TIGD7: variants seen among roughly 807,000 people sequenced by gnomAD.
TIGD7 encodes tigger transposable element-derived protein 7.
TIGD7 carries 26 observed loss-of-function variants against 24.8 expected under a neutral mutation model. The observed-to-expected ratio is 1.05, with a 90% CI of 0.77 to 1.45. TIGD7 has a LOEUF of 1.45. Ranked by LOEUF, TIGD7 falls within the 40% of genes most tolerant of loss-of-function variation. TIGD7 has a pLI of 0.00. For missense variants in TIGD7, 679 were observed against 641.6 expected, an observed-to-expected ratio of 1.06 and a Z score of -0.63; for synonymous variants, 221 against 224.1, an observed-to-expected ratio of 0.99 and a Z score of 0.12.
chr16:3,302,843 T>C (rs1959979648), intron 1 of TIGD7, among the ~76,000 whole-genome samples: 1 of 148,914 alleles, frequency 6.7e-6, no homozygotes, highest in Non-Finnish European at 1.5e-5. Flanking sequence ...CTTTTTTTTT[T>C]TTTTTTTTTT....
In TIGD7 at chr16:3,300,625, A is replaced by T; in HGVS notation, c.-11T>A. The T allele has an allele frequency of 6.5e-7, 1 of 1,537,632 alleles. No individual in the cohort carries two copies. ...CCCTCTCTTATTCATACTGAATTTA[A>T]CTCTGAACCACCAACAGGAGAAAAC... is the stretch of plus-strand genomic sequence containing the variant. On this transcript the variant is annotated 5_prime_UTR_variant, in exon 2 of 2. Transcript: ENST00000396862.
rs1012761119 is a variant in TIGD7, at chr16:3,302,369, GC to G, written c.-1395-361del. Among the ~76,000 whole-genome samples the G allele has an allele frequency of 4.0e-5, 6 of 151,870 alleles. No individual in the cohort carries two copies. In the South Asian group the frequency reaches 1.2e-3, roughly 32 times the overall value. On this transcript the variant is annotated intron_variant, in intron 1 of 1. Coordinates refer to ENST00000396862, the MANE Select transcript of TIGD7 (RefSeq NM_033208.4). ...TCTCGAACTTCTGAACTCATGATCC[GC>G]CCGCCTCAGCCTCCCAAAGTGCTGG...
In TIGD7 at chr16:3,300,656, GAAA is replaced by G. The variant is rs1959914106; in HGVS notation, c.-45_-43del. On this transcript the variant is annotated 5_prime_UTR_variant, in exon 2 of 2. Coordinates refer to ENST00000396862, the MANE Select transcript of TIGD7 (RefSeq NM_033208.4). ...AACCACCAACAGGAGAAAACAAAGG[GAAA>G]AGCCTTAATGAATTGGCAAAAAAAA... 4.6e-6 allele frequency: 7 copies of G among 1,516,732 alleles called. No homozygotes were observed. The highest frequency in any genetic ancestry group is 6.2e-6 in the Non-Finnish European group (7 of 1,136,810). 94.0% of individuals were successfully genotyped at this position (1,516,732 alleles called of 1,614,324 possible).
In TIGD7 at chr16:3,300,446, G is replaced by C. The variant is rs1249673595; in HGVS notation, c.169C>G (p.Leu57Val). Residue 57 changes from leucine (L) to valine (V), a missense_variant, in exon 2 of 2, where the codon CTG (leucine) becomes GTG (valine). Transcript: ENST00000396862. ...KNKKLILDFV[L>V]KQDMPLVGAE... ...CCTACTAATGGCATGTCCTGCTTCA[G>C]TACAAAGTCCAGAATTAACTTCTTA... The C allele has an allele frequency of 2.5e-6, 4 of 1,614,110 alleles. No individual in the cohort carries two copies. Among genetic ancestry groups the C allele is most frequent in the Non-Finnish European group, 3.4e-6 (4 of 1,180,042 alleles).
intron 1 of TIGD7, among the ~76,000 whole-genome samples, chr16:3,303,497 C>G (rs1289833463): frequency 6.6e-6 from 1 of 152,216 alleles, no homozygotes; most frequent in Non-Finnish European, 1.5e-5. Context: ...CTACTGTCCA[C>G]TGGTTCTGAT....
intron 1 of TIGD7, 70 bp from the exon 2 acceptor site, chr16:3,302,079 T>C (rs914610711): frequency 1.9e-5 from 3 of 154,546 alleles, no homozygotes; most frequent in African/African-American, 7.2e-5. Flanking sequence ...CTTCCTCTTC[T>C]TTAGGGCAGA....
Position 3,300,163 on chromosome 16 carries a change from T to C in TIGD7, c.452A>G (p.Glu151Gly). Residue 151 changes from glutamate to glycine, a missense_variant, in exon 2 of 2, where the codon GAA (glutamate) becomes GGA (glycine). By Grantham distance (98) the Glu-to-Gly change is moderately conservative. Transcript: ENST00000396862. The part of the protein sequence containing the change: ...CGEQVLSSVS[E>G]NVEPFRQKLS... ...TTTTTGTCGAAATGGCTCAACATTT[T>C]CAGAAACTGAACTTAGGACTTGTTC... 1 of 1,614,260 alleles carries C rather than the reference T, an allele frequency of 6.2e-7. No individual in the cohort carries two copies. Among genetic ancestry groups the C allele is most frequent in the Non-Finnish European group, 8.5e-7 (1 of 1,180,052 alleles).
intron 1 of TIGD7, among the ~76,000 whole-genome samples, chr16:3,302,589 G>T (rs549891502): frequency 3.9e-5 from 6 of 152,292 alleles, no homozygotes; most frequent in Admixed American, 2.0e-4. Context: ...GGCAGGCTAC[G>T]ATCAAGCAAC....
chr16:3,299,989 C>T lies in TIGD7; in HGVS notation c.626G>A (p.Arg209Lys). The T allele has an allele frequency of 6.2e-7, 1 of 1,614,014 alleles. No individual in the cohort carries two copies. Among genetic ancestry groups the T allele is most frequent in the East Asian group, 2.2e-5 (1 of 44,882 alleles). ...ATTTGCACATAAAAAGGCAGACAACCTTTCTTTGTTTATTTTCTTCCCTGG... is the reference window on the plus strand; with the variant it reads ...ATTTGCACATAAAAAGGCAGACAACTTTTCTTTGTTTATTTTCTTCCCTGG... ...CLPGKKINKERLSAFLCANAD... is the reference protein window; with the variant it reads ...CLPGKKINKEKLSAFLCANAD... Residue 209 changes from arginine (R) to lysine (K), a missense_variant, in exon 2 of 2, where the codon AGG (arginine) becomes AAG (lysine). Coordinates refer to ENST00000396862, the MANE Select transcript of TIGD7 (RefSeq NM_033208.4).
At chr16:3,304,314 C>T (rs1322711517) in intron 1 of TIGD7, among the ~76,000 whole-genome samples, 1 of 152,216 alleles carries the variant, frequency 6.6e-6, no homozygotes, top group Non-Finnish European at 1.5e-5. Flanking sequence ...TTTACTCCTA[C>T]CCTTCCCTCT....
intron 1 of TIGD7, among the ~76,000 whole-genome samples, chr16:3,302,371 C>T (rs1456485633): frequency 2.0e-5 from 3 of 152,134 alleles, no homozygotes; most frequent in Non-Finnish European, 4.4e-5. Context: ...CATGATCCGC[C>T]CGCCTCAGCC....
rs1003086743 is a variant in TIGD7, at chr16:3,300,447, T to A, written c.168A>T (p.Val56=). ...KKNKKLILDF[V]LKQDMPLVGA... is the part of the protein sequence containing the mutation. Reference sequence around the variant, plus strand: ...CTACTAATGGCATGTCCTGCTTCAGTACAAAGTCCAGAATTAACTTCTTAT... The same window carrying A: ...CTACTAATGGCATGTCCTGCTTCAGAACAAAGTCCAGAATTAACTTCTTAT... The change falls in exon 2 of 2, where the codon GTA becomes GTT. Residue 56 remains valine (V), a synonymous_variant. Coordinates refer to ENST00000396862, the MANE Select transcript of TIGD7 (RefSeq NM_033208.4). 9.3e-6 allele frequency: 15 copies of A among 1,614,114 alleles called. No individual in the cohort carries two copies. The highest frequency in any genetic ancestry group is 1.2e-5 in the Non-Finnish European group (14 of 1,180,054).
chr16:3,300,735 C>G lies in TIGD7; in HGVS notation c.-121G>C, dbSNP rs907335214. 93 of 1,447,328 alleles carry G rather than the reference C, an allele frequency of 6.4e-5. No homozygotes were observed. The highest frequency in any genetic ancestry group is 8.2e-6 in the Non-Finnish European group (9 of 1,096,458). 89.7% of individuals were successfully genotyped at this position (1,447,328 alleles called of 1,614,324 possible). ...AGCTGAAAGCCCCAGAAGGCATGGG[C>G]ATTGTATTGGAGGATAATGGACTGA... On this transcript the variant is annotated 5_prime_UTR_variant, in exon 2 of 2. The change abolishes an upstream ATG in the 5' untranslated region. Transcript: ENST00000396862.
intron 1 of TIGD7, among the ~76,000 whole-genome samples, chr16:3,303,550 G>T (rs1423787721): frequency 5.3e-5 from 8 of 152,150 alleles, no homozygotes; most frequent in Non-Finnish European, 2.9e-5. Context: ...GTCCCAACCT[G>T]GCTGAGATTT....
In TIGD7 at chr16:3,299,211, A is replaced by G; in HGVS notation, c.1404T>C (p.Ala468=). The change falls in exon 2 of 2, where the codon GCT becomes GCC. Residue 468 remains alanine (A), a synonymous_variant. Transcript: ENST00000396862. ...TKEVVQKGGE[A]EKQTAEFKLS... ...ATTTAAATTCAGCAGTCTGCTTCTC[A>G]GCTTCTCCTCCTTTTTGAACAACTT... 6.2e-7 allele frequency: 1 copy of G among 1,604,938 alleles called. No homozygotes were observed. Among genetic ancestry groups the G allele is most frequent in the Non-Finnish European group, 8.5e-7 (1 of 1,177,266 alleles).
In TIGD7 at chr16:3,300,736, A is replaced by G. The variant is rs1236664567; in HGVS notation, c.-122T>C. 6.9e-7 allele frequency: 1 copy of G among 1,445,594 alleles called. No individual in the cohort carries two copies. Among genetic ancestry groups the G allele is most frequent in the Non-Finnish European group, 9.1e-7 (1 of 1,095,078 alleles). The allele number at this position is 1,445,594 out of a possible 1,614,324, so 89.5% of individuals were successfully genotyped here. ...GCTGAAAGCCCCAGAAGGCATGGGC[A>G]TTGTATTGGAGGATAATGGACTGAA... On this transcript the variant is annotated 5_prime_UTR_variant, in exon 2 of 2. It removes an upstream start codon present in the reference 5' UTR. Coordinates refer to ENST00000396862, the MANE Select transcript of TIGD7 (RefSeq NM_033208.4).
rs1481803640 is a variant in TIGD7 at position 3,301,597 on chromosome 16, T to G, written c.-983A>C. 6.0e-6 allele frequency: 1 copy of G among 166,844 alleles called. No homozygotes were observed. Among genetic ancestry groups the G allele is most frequent in the Admixed American group, 6.5e-5 (1 of 15,286 alleles). 10.3% of individuals were successfully genotyped at this position (166,844 alleles called of 1,614,324 possible). A position where few individuals can be genotyped will look rare whatever the true frequency, so the allele number is the denominator to read the frequency against. Reference sequence around the variant, plus strand: ...TCAGAATCACAGCAATTCTCAGAGATGAGCCCAAAAGTTTTACAAATATTT... The same window carrying G: ...TCAGAATCACAGCAATTCTCAGAGAGGAGCCCAAAAGTTTTACAAATATTT... On this transcript the variant is annotated 5_prime_UTR_variant, in exon 2 of 2. Coordinates refer to ENST00000396862, the MANE Select transcript of TIGD7 (RefSeq NM_033208.4).
At position 3,299,685 on chromosome 16, in the gene TIGD7, C is replaced by G; in HGVS notation, c.930G>C (p.Glu310Asp). 2.6e-6 allele frequency: 4 copies of G among 1,541,748 alleles called. No individual in the cohort carries two copies. The highest frequency in any genetic ancestry group is 3.5e-6 in the Non-Finnish European group (4 of 1,150,618). The change falls in exon 2 of 2, where the codon GAG becomes GAC. Residue 310 changes from glutamate (E) to aspartate (D), a missense_variant. Transcript: ENST00000396862. ...AGAACATACATTTTATTCGACCATC[C>G]TCACTGGTTAGGGATTCAGAGGAAG... Reference protein sequence around the residue: ...AHPSSESLTSEDGRIKCMFFP... With the variant: ...AHPSSESLTSDDGRIKCMFFP...
intron 1 of TIGD7, chr16:3,304,794 A>G (rs546814743): frequency 6.6e-6 from 1 of 152,368 alleles, no homozygotes; most frequent in African/African-American, 2.4e-5. Context: ...TGCATGAGAT[A>G]TAAGATGAAA....
Sources: gnomAD v4.1 joint callset for allele counts (sites outside exome capture counted in the v4.1 genomes callset) on GRCh38, gnomAD v4.1.1 for gene constraint, MANE v1.5 for transcripts, NCBI Gene and HGNC (gene_info 2026-07-23, HGNC 2026-07-21) for gene names.